Variants in PTPRK observed in about 807,000 individuals in gnomAD.
PTPRK encodes protein tyrosine phosphatase receptor type K, also known as receptor-type tyrosine-protein phosphatase kappa.
PTPRK carries 75 observed loss-of-function variants against 178.0 expected under a neutral mutation model. The ratio of observed to expected loss-of-function variants is 0.42; its 90% confidence interval spans 0.35 to 0.51. PTPRK has a LOEUF of 0.51. Ranked by LOEUF, PTPRK falls within the 20% of genes least tolerant of loss-of-function variation. PTPRK has a pLI of 0.02. For missense variants in PTPRK, 1,441 were observed against 1,797.8 expected (o/e 0.80, Z 3.59); for synonymous variants, 637 against 620.6 (o/e 1.03, Z -0.39).
chr6:128,134,581 C>A (rs532725630), intron 7 of PTPRK, among the ~76,000 whole-genome samples: 1 of 152,230 alleles, frequency 6.6e-6, no homozygotes, highest in African/African-American at 2.4e-5. Flanking sequence ...GAGGCCGAGG[C>A]AGGCTGACCA....
At chr6:128,075,690 C>T (rs942723336) in intron 11 of PTPRK, among the ~76,000 whole-genome samples, 9 of 151,986 alleles carry the variant, frequency 5.9e-5, no homozygotes, top group Admixed American at 2.0e-4. Context: ...ATTGAGTCAA[C>T]AAATTTATAG....
intron 13 of PTPRK, among the ~76,000 whole-genome samples, chr6:128,040,438 T>C (rs9491906): frequency 0.25 from 38,337 of 151,704 alleles, 7,056 homozygotes; most frequent in African/African-American, 0.52. Context: ...AGCAAATAGA[T>C]CAAGAAAGCA....
rs574077292 is a variant in PTPRK at position 128,478,659 on chromosome 6, C to A, written c.100+41600G>T. On this transcript the variant is annotated intron_variant, in intron 1 of 29. Coordinates refer to ENST00000368226, the MANE Select transcript of PTPRK (RefSeq NM_002844.4). ...TTTAGCAAAAGTAAAGATGACGATG[C>A]CTTGGGTGTTTGCTATTCAGCAGAA... Among the ~76,000 whole-genome samples the A allele has an allele frequency of 1.5e-4, 23 of 152,084 alleles. No individual in the cohort carries two copies. In the South Asian group the frequency reaches 3.5e-3, roughly 23 times the overall value.
At chr6:128,343,970 AT>A (rs1277287567) in intron 2 of PTPRK, among the ~76,000 whole-genome samples, 4 of 152,164 alleles carry the variant, frequency 2.6e-5, no homozygotes, top group African/African-American at 7.2e-5. Flanking sequence ...AAGTTAAGTG[AT>A]TTTCGTAACA....
At chr6:128,061,309 T>A (rs1001439148) in intron 13 of PTPRK, among the ~76,000 whole-genome samples, 1 of 152,040 alleles carries the variant, frequency 6.6e-6, no homozygotes, top group Non-Finnish European at 1.5e-5. Context: ...TTTGGAATGT[T>A]TTAAGTTTTC....
chr6:128,241,526 T>G (rs757115638), intron 4 of PTPRK, among the ~76,000 whole-genome samples: 1 of 152,214 alleles, frequency 6.6e-6, no homozygotes, highest in Non-Finnish European at 1.5e-5. Flanking sequence ...TAGATGCTTC[T>G]CAGGGAGGAT....
chr6:128,409,087 C>T (rs999951220), intron 1 of PTPRK, among the ~76,000 whole-genome samples: 2 of 151,596 alleles, frequency 1.3e-5, no homozygotes, highest in Non-Finnish European at 3.0e-5. Flanking sequence ...AGTGTCCCTT[C>T]CTAGCCACGA....
At chr6:128,139,603 T>C (rs555768245) in intron 7 of PTPRK, among the ~76,000 whole-genome samples, 76 of 152,034 alleles carry the variant, frequency 5.0e-4, no homozygotes, top group Non-Finnish European at 9.6e-4. Context: ...TCTTTTCTCC[T>C]TTCCCCTTTT....
intron 24 of PTPRK, among the ~76,000 whole-genome samples, chr6:127,982,118 G>A (rs1195000868): frequency 6.6e-6 from 1 of 152,076 alleles, no homozygotes; most frequent in Admixed American, 6.5e-5. Flanking sequence ...GATTATAGGT[G>A]TGAGCTGCCA....
intron 1 of PTPRK, among the ~76,000 whole-genome samples, chr6:128,493,588 CCCTA>C (rs1169497857): frequency 6.1e-4 from 69 of 113,340 alleles, no homozygotes; most frequent in African/African-American, 2.5e-3. Context: ...ACCTCCCGCC[CCCTA>C]CACACACACA....
In PTPRK at chr6:128,402,727, C is replaced by T. The variant is rs548540641; in HGVS notation, c.101-5039G>A. On this transcript the variant is annotated intron_variant, in intron 1 of 29. Transcript: ENST00000368226. The stretch of plus-strand genomic sequence containing the variant: ...ATACCTGCTCTAATGATAAGCAACA[C>T]TTTTGTTTTCCAATTTAAGTACTGA... Among the ~76,000 whole-genome samples, 63 of 152,210 alleles carry T rather than the reference C, an allele frequency of 4.1e-4. 1 individual carries two copies. In the South Asian group the frequency reaches 0.013, roughly 31 times the overall value.
At chr6:128,345,883 T>C (rs1014486105) in intron 2 of PTPRK, among the ~76,000 whole-genome samples, 6 of 152,192 alleles carry the variant, frequency 3.9e-5, no homozygotes, top group Admixed American at 1.3e-4. Flanking sequence ...AAATTAAATA[T>C]GTCTAATCCT....
intron 3 of PTPRK, among the ~76,000 whole-genome samples, chr6:128,313,888 G>T (rs751253580): frequency 2.6e-5 from 4 of 152,162 alleles, no homozygotes; most frequent in Non-Finnish European, 5.9e-5. Context: ...GACTAAGAAT[G>T]AGTAAATAGG....
At chr6:128,096,865 T>C (rs1231511546) in intron 7 of PTPRK, among the ~76,000 whole-genome samples, 2 of 151,946 alleles carry the variant, frequency 1.3e-5, no homozygotes, top group East Asian at 3.9e-4. Context: ...AAAGGTGAAA[T>C]AAAAAAATAA....
intron 3 of PTPRK, among the ~76,000 whole-genome samples, chr6:128,301,801 C>G (rs1825655598): frequency 6.6e-6 from 1 of 152,100 alleles, no homozygotes; most frequent in African/African-American, 2.4e-5. Flanking sequence ...TATTTGATAA[C>G]TAGACTGCCT....
At chr6:128,274,972 T>C (rs1820484859) in intron 3 of PTPRK, among the ~76,000 whole-genome samples, 1 of 152,030 alleles carries the variant, frequency 6.6e-6, no homozygotes, top group South Asian at 2.1e-4. Flanking sequence ...AATTCAATTA[T>C]AGGATAAGCA....
chr6:128,405,833 G>C (rs1384999752), intron 1 of PTPRK, among the ~76,000 whole-genome samples: 1 of 152,008 alleles, frequency 6.6e-6, no homozygotes. Flanking sequence ...GACCTGCTTT[G>C]AGGGTTTGAA....
chr6:128,337,904 G>A (rs1203075814), intron 2 of PTPRK, among the ~76,000 whole-genome samples: 1 of 152,134 alleles, frequency 6.6e-6, no homozygotes, highest in African/African-American at 2.4e-5. Context: ...TAAACCACTT[G>A]TGCAAAGGAC....
chr6:128,374,078 A>G (rs1056223655), intron 2 of PTPRK, among the ~76,000 whole-genome samples: 1 of 152,178 alleles, frequency 6.6e-6, no homozygotes, highest in Admixed American at 6.6e-5. Flanking sequence ...GGATAAAGAC[A>G]GAAAGGTAAA....
Sources: gnomAD v4.1 joint callset for allele counts (sites outside exome capture counted in the v4.1 genomes callset) on GRCh38, gnomAD v4.1.1 for gene constraint, MANE v1.5 for transcripts, NCBI Gene and HGNC (gene_info 2026-07-23, HGNC 2026-07-21) for gene names.